CPQ: variants seen among roughly 807,000 people sequenced by gnomAD.
CPQ encodes Ser-Met dipeptidase.
Under a neutral mutation model 45.7 loss-of-function variants are expected in CPQ, and 37 were observed. The ratio of observed to expected loss-of-function variants is 0.81; its 90% CI spans 0.62 to 1.07. The LOEUF is 1.07. CPQ is among the 50% of genes least tolerant of loss of function. The probability of loss-of-function intolerance (pLI) is 0.00; values close to 1 mark genes in which losing one functional copy is unlikely to be tolerated. For synonymous variants in CPQ, 186 were observed against 205.8 expected, an observed-to-expected ratio of 0.90 and a Z score of 0.82; for missense variants, 537 against 572.9, an observed-to-expected ratio of 0.94 and a Z score of 0.64.
chr8:97,126,572 A>G (rs906239310), intron 7 of CPQ, among the ~76,000 whole-genome samples: 1 of 152,222 alleles, frequency 6.6e-6, no homozygotes, highest in African/African-American at 2.4e-5. Context: ...AAACTTAGCA[A>G]GGTCACAATA....
At chr8:96,960,521 T>C (rs1419133806) in intron 4 of CPQ, among the ~76,000 whole-genome samples, 4 of 152,196 alleles carry the variant, frequency 2.6e-5, no homozygotes, top group Non-Finnish European at 4.4e-5. Flanking sequence ...TTTATTTATC[T>C]ATGTTCAATC....
chr8:96,844,142 C>G (rs534803332), intron 3 of CPQ, among the ~76,000 whole-genome samples: 2 of 152,194 alleles, frequency 1.3e-5, no homozygotes, highest in Non-Finnish European at 2.9e-5. Flanking sequence ...ATTTTGAATT[C>G]AGGCTTCAGG....
chr8:96,939,278 T>C (rs891637405), intron 4 of CPQ, among the ~76,000 whole-genome samples: 1 of 152,212 alleles, frequency 6.6e-6, no homozygotes, highest in African/African-American at 2.4e-5. Context: ...TTTGGGTTTC[T>C]ATGAGAATCT....
chr8:97,057,509 A>C (rs1586518993), intron 6 of CPQ, among the ~76,000 whole-genome samples: 1 of 152,330 alleles, frequency 6.6e-6, no homozygotes, highest in East Asian at 1.9e-4. Context: ...TCAGTAATAC[A>C]TCAATCACGC....
At position 96,870,145 on chromosome 8, in the gene CPQ, A is replaced by G. The variant is rs1181648146; in HGVS notation, c.642-9653A>G. Among the ~76,000 whole-genome samples, 4 of 148,264 alleles carry G rather than the reference A, an allele frequency of 2.7e-5. No homozygotes were observed. The East Asian group carries it at 5.9e-4, about 22-fold the overall frequency. ...AAACCACATGTTGTCTGTCAGGCACAGTACAGTGCTTTATATATATATTTT... is the reference window on the plus strand; with the variant it reads ...AAACCACATGTTGTCTGTCAGGCACGGTACAGTGCTTTATATATATATTTT... On this transcript the variant is annotated intron_variant, in intron 3 of 7. Coordinates refer to ENST00000220763, the MANE Select transcript of CPQ (RefSeq NM_016134.4).
At chr8:96,783,498 A>C (rs1438903956) in intron 1 of CPQ, among the ~76,000 whole-genome samples, 2 of 152,076 alleles carry the variant, frequency 1.3e-5, no homozygotes, top group Non-Finnish European at 2.9e-5. Flanking sequence ...CCTGCAATAA[A>C]CATTAGTTTA....
intron 2 of CPQ, among the ~76,000 whole-genome samples, chr8:96,808,728 T>C (rs539895777): frequency 9.8e-5 from 15 of 152,334 alleles, no homozygotes; most frequent in African/African-American, 3.4e-4. Flanking sequence ...TCCTTTGTTC[T>C]TATGTTTTTC....
chr8:96,916,146 C>T (rs183193456), intron 4 of CPQ, among the ~76,000 whole-genome samples: 1 of 152,228 alleles, frequency 6.6e-6, no homozygotes, highest in Non-Finnish European at 1.5e-5. Flanking sequence ...TTAGAGTATG[C>T]GAGTTGACGC....
At chr8:96,926,623 C>CTTCTTCTTCT (rs1554578093) in intron 4 of CPQ, among the ~76,000 whole-genome samples, 1 of 125,968 alleles carries the variant, frequency 7.9e-6, no homozygotes, top group Non-Finnish European at 1.6e-5. Flanking sequence ...TCTTCTTCTT[C>CTTCTTCTTCT]TCCTCCTTCT....
chr8:96,684,004 T>C (rs974231505), intron 1 of CPQ, among the ~76,000 whole-genome samples: 2 of 152,212 alleles, frequency 1.3e-5, no homozygotes, highest in Non-Finnish European at 2.9e-5. Context: ...TTCTGTAATA[T>C]TATTCTCTGG....
At chr8:96,737,230 TACAC>T (rs377227683) in intron 1 of CPQ, among the ~76,000 whole-genome samples, 13 of 142,182 alleles carry the variant, frequency 9.1e-5, no homozygotes, top group Admixed American at 2.8e-4. Flanking sequence ...ACTAATAAGA[TACAC>T]ACACACACAC....
chr8:97,090,417 T>A (rs1010550830), intron 7 of CPQ, among the ~76,000 whole-genome samples: 2 of 152,222 alleles, frequency 1.3e-5, no homozygotes, highest in African/African-American at 4.8e-5. Flanking sequence ...TTTTAATGTT[T>A]TATAATTTCC....
At chr8:96,947,571 T>G (rs1813207724) in intron 4 of CPQ, among the ~76,000 whole-genome samples, 1 of 152,124 alleles carries the variant, frequency 6.6e-6, no homozygotes, top group Admixed American at 6.6e-5. Flanking sequence ...ATATAAATTT[T>G]AGAATTGTGT....
In CPQ at chr8:97,020,213, G is replaced by T. The variant is rs183721518; in HGVS notation, c.962-9190G>T. ...GTGACATAACCTATCAAAACCTCTG[G>T]GATACAACAAACGCGGTGCTAAGAG... On this transcript the variant is annotated intron_variant, in intron 5 of 7. Coordinates refer to ENST00000220763, the MANE Select transcript of CPQ (RefSeq NM_016134.4). Among the ~76,000 whole-genome samples the T allele has an allele frequency of 1.6e-3, 248 of 152,022 alleles. 3 individuals are homozygous for T. The highest frequency in any genetic ancestry group is 0.013 in the Admixed American group (194 of 15,242).
At chr8:96,959,903 A>G (rs923327327) in intron 4 of CPQ, among the ~76,000 whole-genome samples, 1 of 151,582 alleles carries the variant, frequency 6.6e-6, no homozygotes, top group Non-Finnish European at 1.5e-5. Flanking sequence ...AAAAAAAAAA[A>G]AAAAAAACCA....
At chr8:96,814,615 G>T (rs760144274) in intron 2 of CPQ, among the ~76,000 whole-genome samples, 6 of 152,050 alleles carry the variant, frequency 3.9e-5, no homozygotes, top group Non-Finnish European at 5.9e-5. Flanking sequence ...AAATGGTTTT[G>T]AGCCATAATT....
At chr8:96,809,932 C>G (rs555701039) in intron 2 of CPQ, among the ~76,000 whole-genome samples, 2 of 152,092 alleles carry the variant, frequency 1.3e-5, no homozygotes, top group Non-Finnish European at 2.9e-5. Context: ...GAGCATTACA[C>G]TCTAGTGAAC....
chr8:96,959,830 C>T (rs1006883582), intron 4 of CPQ, among the ~76,000 whole-genome samples: 21 of 139,948 alleles, frequency 1.5e-4, no homozygotes, highest in Non-Finnish European at 2.7e-4. Context: ...TTTTAAAAGA[C>T]ACCAAGTAAA....
chr8:96,694,250 A>G (rs1809341936), intron 1 of CPQ, among the ~76,000 whole-genome samples: 2 of 152,164 alleles, frequency 1.3e-5, no homozygotes, highest in South Asian at 4.1e-4. Context: ...ATAAAATGGC[A>G]GGCATAAGAC....
Sources: gnomAD v4.1 joint callset for allele counts (sites outside exome capture counted in the v4.1 genomes callset) on GRCh38, gnomAD v4.1.1 for gene constraint, MANE v1.5 for transcripts, NCBI Gene and HGNC (gene_info 2026-07-23, HGNC 2026-07-21) for gene names.